The following ALDH1A2 variants were observed in gnomAD, a reference collection of about 807,000 sequenced individuals.
ALDH1A2 encodes the protein retinal dehydrogenase 2.
Under a neutral mutation model 60.3 loss-of-function variants are expected in ALDH1A2, and 27 were observed. The ratio of observed to expected loss-of-function variants is 0.45; its 90% CI spans 0.33 to 0.62. ALDH1A2 has a LOEUF of 0.62. Among genes scored for constraint, ALDH1A2 ranks in the 20% least tolerant of loss-of-function variants. The pLI is 0.02. For synonymous variants in ALDH1A2, 289 were observed against 232.4 expected, an observed-to-expected ratio of 1.24 and a Z score of -2.21; for missense variants, 581 against 643.8, an observed-to-expected ratio of 0.90 and a Z score of 1.06.
intron 7 of ALDH1A2, among the ~76,000 whole-genome samples, chr15:57,986,181 A>G (rs1019907599): frequency 1.3e-5 from 2 of 152,198 alleles, no homozygotes; most frequent in Non-Finnish European, 2.9e-5. Context: ...TGTTTTATTC[A>G]AACATTGGAT....
chr15:58,032,995 A>C (rs1269023135), intron 1 of ALDH1A2, among the ~76,000 whole-genome samples: 1 of 152,068 alleles, frequency 6.6e-6, no homozygotes, highest in African/African-American at 2.4e-5. Flanking sequence ...AATGTAAAAT[A>C]GATCAGAGAC....
rs764396022 is a variant in ALDH1A2 at position 58,065,564 on chromosome 15, G to GGGCGACGGCAGGAGGTGC, written c.69_86dup (p.His24_Pro29dup). Reference sequence around the variant, plus strand: ...TGTACTTAATTTCGAGATTGGGCGTGGGCGACGGCAGGAGGTGCAGCGACG... The same window carrying GGGCGACGGCAGGAGGTGC: ...TGTACTTAATTTCGAGATTGGGCGTGGGCGACGGCAGGAGGTGCGGCGACGGCAGGAGGTGCAGCGACG... On this transcript the variant is annotated inframe_insertion, in exon 1 of 13. Coordinates refer to ENST00000249750, the MANE Select transcript of ALDH1A2 (RefSeq NM_003888.4). 5 of 1,613,580 alleles carry GGGCGACGGCAGGAGGTGC rather than the reference G, an allele frequency of 3.1e-6. No homozygotes were observed. The highest frequency in any genetic ancestry group is 2.2e-5 in the East Asian group (1 of 44,830).
intron 7 of ALDH1A2, among the ~76,000 whole-genome samples, chr15:57,971,243 T>TA (rs2140461012): frequency 6.6e-6 from 1 of 152,188 alleles, no homozygotes; most frequent in East Asian, 1.9e-4. Flanking sequence ...GCTTACTTGA[T>TA]AAACTCATTT....
intron 1 of ALDH1A2, among the ~76,000 whole-genome samples, chr15:58,020,746 G>T (rs1375898949): frequency 2.0e-5 from 3 of 151,816 alleles, no homozygotes; most frequent in African/African-American, 7.3e-5. Flanking sequence ...TTTGATGCAG[G>T]TTTCTGTGTT....
chr15:58,057,284 T>C (rs1360403596), intron 1 of ALDH1A2, among the ~76,000 whole-genome samples: 10 of 151,952 alleles, frequency 6.6e-5, no homozygotes, highest in African/African-American at 2.4e-4. Context: ...ACTGAACATA[T>C]GTTTAACAAG....
At chr15:58,049,821 T>C (rs1896731424) in intron 1 of ALDH1A2, among the ~76,000 whole-genome samples, 2 of 152,060 alleles carry the variant, frequency 1.3e-5, no homozygotes, top group Non-Finnish European at 2.9e-5. Context: ...GAAATGGCTT[T>C]TATGTACCCC....
intron 1 of ALDH1A2, among the ~76,000 whole-genome samples, chr15:58,055,649 T>A (rs1255857546): frequency 6.6e-6 from 1 of 152,050 alleles, no homozygotes; most frequent in Non-Finnish European, 1.5e-5. Flanking sequence ...AGTTTTAAGG[T>A]TGGAGAATTT....
At chr15:57,960,935 T>G in intron 11 of ALDH1A2, 91 bp from the exon 12 acceptor site, 1 of 1,414,016 alleles carries the variant, frequency 7.1e-7, no homozygotes, top group Non-Finnish European at 9.8e-7. Flanking sequence ...GTTTTATTTT[T>G]AAATTCCTTT....
At chr15:57,986,433 A>G (rs1375302026) in intron 7 of ALDH1A2, among the ~76,000 whole-genome samples, 1 of 152,120 alleles carries the variant, frequency 6.6e-6, no homozygotes, top group Non-Finnish European at 1.5e-5. Context: ...CAAAAGAGAC[A>G]AGCTGAACCT....
intron 4 of ALDH1A2, among the ~76,000 whole-genome samples, chr15:57,998,108 A>G (rs1332896734): frequency 1.3e-5 from 2 of 152,058 alleles, no homozygotes; most frequent in African/African-American, 2.4e-5. Context: ...AACAGGCAAA[A>G]GATGGAAGCA....
At chr15:58,003,952 T>C (rs1281357270) in intron 4 of ALDH1A2, among the ~76,000 whole-genome samples, 1 of 151,584 alleles carries the variant, frequency 6.6e-6, no homozygotes, top group Non-Finnish European at 1.5e-5. Flanking sequence ...TAATGGATAG[T>C]GTTGTAAAGG....
chr15:58,021,753 A>C (rs1315813969), intron 1 of ALDH1A2, among the ~76,000 whole-genome samples: 2 of 152,252 alleles, frequency 1.3e-5, no homozygotes, highest in African/African-American at 4.8e-5. Flanking sequence ...CTGGGACAGC[A>C]GGGCAAGCTG....
intron 7 of ALDH1A2, among the ~76,000 whole-genome samples, chr15:57,983,141 C>A (rs1250750578): frequency 3.3e-5 from 5 of 152,160 alleles, no homozygotes; most frequent in Admixed American, 2.6e-4. Context: ...GCAGGAATGA[C>A]AACAAAACTG....
At chr15:58,026,793 C>T (rs1896091934) in intron 1 of ALDH1A2, among the ~76,000 whole-genome samples, 2 of 152,192 alleles carry the variant, frequency 1.3e-5, no homozygotes, top group Non-Finnish European at 2.9e-5. Context: ...GATTGACCTC[C>T]AAGGCTGCAG....
At chr15:57,992,511 T>C (rs1374427092) in intron 7 of ALDH1A2, among the ~76,000 whole-genome samples, 194 bp downstream of exon 7, 1 of 152,202 alleles carries the variant, frequency 6.6e-6, no homozygotes, top group African/African-American at 2.4e-5. Context: ...CAGATATCTG[T>C]GGGGTCAAAT....
rs548612351 is a variant in ALDH1A2 at position 58,034,075 on chromosome 15, G to T, written c.118-19794C>A. Among the ~76,000 whole-genome samples, 7 of 151,702 alleles carry T rather than the reference G, an allele frequency of 4.6e-5. No homozygotes were observed. The East Asian group carries it at 1.2e-3, about 25-fold the overall frequency. ...TTGCATTGAATCTACATATTAACTT[G>T]GGAAGAAATGACATCTTAATAATTG... On this transcript the variant is annotated intron_variant, in intron 1 of 12. Coordinates refer to ENST00000249750, the MANE Select transcript of ALDH1A2 (RefSeq NM_003888.4).
At chr15:57,963,440 C>T (rs990499314) in intron 9 of ALDH1A2, among the ~76,000 whole-genome samples, 6 of 151,342 alleles carry the variant, frequency 4.0e-5, no homozygotes, top group Non-Finnish European at 7.4e-5. Context: ...CCCGGGTTCA[C>T]GCCATTCTCC....
chr15:57,995,440 T>C (rs769416670), intron 4 of ALDH1A2, among the ~76,000 whole-genome samples: 27 of 151,952 alleles, frequency 1.8e-4, no homozygotes, highest in Non-Finnish European at 3.4e-4. Context: ...CTGAAAAATA[T>C]GTAAAAATTG....
chr15:58,060,858 T>C (rs1454512430), intron 1 of ALDH1A2, among the ~76,000 whole-genome samples: 1 of 152,196 alleles, frequency 6.6e-6, no homozygotes, highest in African/African-American at 2.4e-5. Context: ...TTGTATTTTA[T>C]TGTCCAACTA....
Sources: gnomAD v4.1 joint callset for allele counts (sites outside exome capture counted in the v4.1 genomes callset) on GRCh38, gnomAD v4.1.1 for gene constraint, MANE v1.5 for transcripts, NCBI Gene and HGNC (gene_info 2026-07-23, HGNC 2026-07-21) for gene names.